PTPN3: variants seen among roughly 807,000 people sequenced by gnomAD.
PTPN3 encodes the protein tyrosine-protein phosphatase non-receptor type 3.
In PTPN3, 96 loss-of-function variants were observed where a neutral mutation model predicts 132.7. That is an observed-to-expected ratio of 0.72 (90% CI 0.61 to 0.86). The LOEUF (loss-of-function observed/expected upper bound fraction) is 0.86. Among genes scored for constraint, PTPN3 ranks in the 40% least tolerant of loss-of-function variants. PTPN3 has a pLI of 0.00. For missense variants in PTPN3, 1,125 were observed against 1,159.6 expected, an observed-to-expected ratio of 0.97 and a Z score of 0.43; for synonymous variants, 398 against 429.0, an observed-to-expected ratio of 0.93 and a Z score of 0.89.
chr9:109,424,149 GA>G (rs34455448), intron 12 of PTPN3, among the ~76,000 whole-genome samples: 3 of 151,740 alleles, frequency 2.0e-5, no homozygotes, highest in African/African-American at 7.3e-5. Flanking sequence ...GGGACTCTCT[GA>G]AAAAAAAGTG....
intron 1 of PTPN3, among the ~76,000 whole-genome samples, chr9:109,476,966 T>C (rs993845965): frequency 1.3e-5 from 2 of 152,182 alleles, no homozygotes; most frequent in African/African-American, 2.4e-5. Flanking sequence ...TCCTGACTGA[T>C]TGATTTTGAC....
At chr9:109,497,802 G>A (rs1372007770) in intron 1 of PTPN3, among the ~76,000 whole-genome samples, 1 of 151,984 alleles carries the variant, frequency 6.6e-6, no homozygotes, top group African/African-American at 2.4e-5. Flanking sequence ...GCCGCTCTCG[G>A]CTAGCTCCCC....
chr9:109,428,989 A>T (rs1308904047), intron 10 of PTPN3: 3 of 985,318 alleles, frequency 3.0e-6, no homozygotes, highest in Non-Finnish European at 3.6e-6. Context: ...GCTCTGCGTG[A>T]GCTGGTATAT....
At chr9:109,497,222 C>T (rs1269966695) in intron 1 of PTPN3, among the ~76,000 whole-genome samples, 1 of 152,170 alleles carries the variant, frequency 6.6e-6, no homozygotes, top group Non-Finnish European at 1.5e-5. Context: ...ATTCTAATTT[C>T]CTCCTGAAAT....
rs1056655798 is a variant in PTPN3, at chr9:109,437,721, G to T, written c.587+393C>A. Among the ~76,000 whole-genome samples, 5 of 151,932 alleles carry T rather than the reference G, an allele frequency of 3.3e-5. No individual in the cohort carries two copies. The East Asian group carries it at 9.6e-4, about 29-fold the overall frequency. On this transcript the variant is annotated intron_variant, in intron 8 of 25. Coordinates refer to ENST00000374541, the MANE Select transcript of PTPN3 (RefSeq NM_002829.4). ...CACAGGAGACTGGTCAGCACTGTAC[G>T]TCCATCTGTCTGTCTGTTTAACAAG...
intron 20 of PTPN3, 118 bp downstream of exon 20, chr9:109,391,353 A>T: frequency 7.7e-7 from 1 of 1,296,592 alleles, no homozygotes; most frequent in Non-Finnish European, 1.1e-6. Context: ...GCTGCAATAA[A>T]GACGGTGGTG....
Position 109,428,653 on chromosome 9 carries a change from T to C in PTPN3, c.796A>G (p.Lys266Glu). Reference protein sequence around the residue: ...VNILKISFKRKKFFIHQRQKQ... With the variant: ...VNILKISFKREKFFIHQRQKQ... ...TGTCGCTGATGTATGAAGAACTTTT[T>C]CCTTTTGAAAGAAATTTTGAGAATG... The change falls in exon 11 of 26, where the codon AAA (lysine) becomes GAA (glutamate). Residue 266 changes from lysine (K) to glutamate (E), a missense_variant. Transcript: ENST00000374541. The C allele has an allele frequency of 1.2e-6, 2 of 1,613,868 alleles. No homozygotes were observed. Among genetic ancestry groups the C allele is most frequent in the South Asian group, 1.1e-5 (1 of 91,062 alleles).
intron 22 of PTPN3, among the ~76,000 whole-genome samples, chr9:109,388,566 A>G (rs1404578400): frequency 2.6e-5 from 4 of 152,226 alleles, no homozygotes; most frequent in Admixed American, 2.6e-4. Context: ...GCTGGCGGAC[A>G]GCAGCCATAG....
chr9:109,381,751 C>T lies in PTPN3; in HGVS notation c.2565G>A (p.Met855Ile). The T allele has an allele frequency of 6.2e-7, 1 of 1,614,234 alleles. No individual in the cohort carries two copies. Among genetic ancestry groups the T allele is most frequent in the Non-Finnish European group, 8.5e-7 (1 of 1,180,042 alleles). The part of the protein sequence containing the change: ...GIGRTGVLVT[M>I]ETAMCLTERN... The stretch of plus-strand genomic sequence containing the variant: ...TCTCAGTTAGGCACATGGCTGTTTC[C>T]ATAGTGACCAACACACCGGTTCGAC... The change falls in exon 25 of 26, where the codon ATG (methionine) becomes ATA (isoleucine). Residue 855 changes from methionine (M) to isoleucine (I), a missense_variant. Coordinates refer to ENST00000374541, the MANE Select transcript of PTPN3 (RefSeq NM_002829.4).
At chr9:109,500,767 C>T (rs748928897), upstream of PTPN3, among the ~76,000 whole-genome samples, 6 of 150,206 alleles carry the variant, frequency 4.0e-5, no homozygotes, top group Non-Finnish European at 7.4e-5. Context: ...CCCATCTTTA[C>T]AAAAAAAAAC....
intron 1 of PTPN3, among the ~76,000 whole-genome samples, chr9:109,482,410 C>T (rs559532105): frequency 2.0e-5 from 3 of 152,184 alleles, no homozygotes; most frequent in African/African-American, 4.8e-5. Context: ...ACGGGATAAC[C>T]GCAACTAATT....
intron 14 of PTPN3, among the ~76,000 whole-genome samples, chr9:109,414,902 A>G (rs1349377341): frequency 2.0e-5 from 3 of 152,120 alleles, no homozygotes; most frequent in Non-Finnish European, 4.4e-5. Flanking sequence ...GTACAGATAA[A>G]TATGGTGTGA....
intron 22 of PTPN3, among the ~76,000 whole-genome samples, chr9:109,387,592 A>T (rs896886465): frequency 1.3e-5 from 2 of 152,088 alleles, no homozygotes; most frequent in African/African-American, 4.8e-5. Context: ...AATTCTCAAA[A>T]CAATCCCAAA....
chr9:109,476,536 A>AC (rs754110282), intron 1 of PTPN3, among the ~76,000 whole-genome samples: 1 of 152,154 alleles, frequency 6.6e-6, no homozygotes, highest in African/African-American at 2.4e-5. Flanking sequence ...GATAAAGACA[A>AC]CCCTCTCACT....
At chr9:109,512,186 A>G in the PTPN3 span, among the ~76,000 whole-genome samples, 6 of 152,174 alleles carry the variant, frequency 3.9e-5, no homozygotes, top group Admixed American at 2.0e-4. Flanking sequence ...CTGGCCGTGC[A>G]TCAGAATTAC....
chr9:109,519,944 G>C, the PTPN3 span, among the ~76,000 whole-genome samples: 1 of 152,142 alleles, frequency 6.6e-6, no homozygotes, highest in African/African-American at 2.4e-5. Flanking sequence ...AGGTTCATGA[G>C]GTCAGGAGAT....
the PTPN3 span, among the ~76,000 whole-genome samples, chr9:109,506,500 T>TTTCC: frequency 8.1e-3 from 1,203 of 148,138 alleles, 4 homozygotes; most frequent in Non-Finnish European, 0.015. Context: ...ACCTACCTTC[T>TTTCC]TTCCTTCCTT....
At chr9:109,397,835 G>A (rs1442894171) in intron 19 of PTPN3, 2 of 152,180 alleles carry the variant, frequency 1.3e-5, no homozygotes, top group Admixed American at 6.5e-5. Context: ...CACTTGAAAT[G>A]TAAAGGCTGC....
intron 25 of PTPN3, among the ~76,000 whole-genome samples, 157 bp downstream of exon 25, chr9:109,381,495 G>A (rs918747329): frequency 6.6e-6 from 1 of 152,236 alleles, no homozygotes; most frequent in African/African-American, 2.4e-5. Flanking sequence ...GGTGAGATGG[G>A]TGTGGGCTGT....
Sources: gnomAD v4.1 joint callset for allele counts (sites outside exome capture counted in the v4.1 genomes callset) on GRCh38, gnomAD v4.1.1 for gene constraint, MANE v1.5 for transcripts, NCBI Gene and HGNC (gene_info 2026-07-23, HGNC 2026-07-21) for gene names.